The following IGF2BP3 variants were observed in gnomAD, a reference collection of about 807,000 sequenced individuals.
The protein encoded by IGF2BP3 is insulin-like growth factor 2 mRNA-binding protein 3.
A neutral mutation model predicts 73.8 loss-of-function variants in IGF2BP3; 9 were observed. The ratio of observed to expected loss-of-function variants is 0.12; its 90% CI spans 0.07 to 0.21. The LOEUF (loss-of-function observed/expected upper bound fraction) is 0.21, where lower values mean the gene tolerates loss of function less well. Ranked by LOEUF, IGF2BP3 falls within the 10% of genes least tolerant of loss-of-function variation. The pLI is 1.00. For missense variants in IGF2BP3, 542 were observed against 714.0 expected (o/e 0.76, Z 2.75); for synonymous variants, 258 against 256.7 (o/e 1.01, Z -0.05).
intron 3 of IGF2BP3, among the ~76,000 whole-genome samples, chr7:23,378,387 C>A: frequency 7.9e-6 from 1 of 126,536 alleles, no homozygotes; most frequent in Admixed American, 7.4e-5. Flanking sequence ...GGAAAATAGA[C>A]ATTTCTCTTC....
chr7:23,415,048 A>T, intron 3 of IGF2BP3: 1 of 200,036 alleles, frequency 5.0e-6, no homozygotes. Context: ...GTCAGTCAGC[A>T]TCACCCCACC....
rs1024957144 is a variant in IGF2BP3, at chr7:23,401,223, G to A, written c.285+17553C>T. On this transcript the variant is annotated intron_variant, in intron 3 of 14. Transcript: ENST00000258729. Reference sequence around the variant, plus strand: ...TATTTAAGATTCAGTCACTGTGGCCGAGTAGTAGGACCCCTTCCCAGCAGT... The same window carrying A: ...TATTTAAGATTCAGTCACTGTGGCCAAGTAGTAGGACCCCTTCCCAGCAGT... 7.2e-5 allele frequency among the ~76,000 whole-genome samples: 11 copies of A among 152,298 alleles called. No individual in the cohort carries two copies. The East Asian group carries it at 1.4e-3, about 19-fold the overall frequency.
At chr7:23,374,286 C>A (rs188507512) in intron 3 of IGF2BP3, among the ~76,000 whole-genome samples, 2 of 152,214 alleles carry the variant, frequency 1.3e-5, no homozygotes, top group Admixed American at 1.3e-4. Context: ...AACAGTCATC[C>A]CTCGGTATCT....
intron 3 of IGF2BP3, among the ~76,000 whole-genome samples, chr7:23,396,681 G>C (rs1166387102): frequency 6.6e-6 from 1 of 151,962 alleles, no homozygotes; most frequent in African/African-American, 2.4e-5. Context: ...AAAGGATCCA[G>C]AACAAAATAA....
chr7:23,381,664 G>T (rs1785913033), intron 3 of IGF2BP3, among the ~76,000 whole-genome samples: 1 of 151,982 alleles, frequency 6.6e-6, no homozygotes, highest in Non-Finnish European at 1.5e-5. Context: ...CACCTCCCAG[G>T]TTCAAGCAAT....
chr7:23,446,196 A>G (rs970062915), intron 2 of IGF2BP3, among the ~76,000 whole-genome samples: 2 of 152,238 alleles, frequency 1.3e-5, no homozygotes, highest in Non-Finnish European at 2.9e-5. Flanking sequence ...AATCTATGCA[A>G]TAAGATTCCA....
chr7:23,316,726 T>C, intron 12 of IGF2BP3, among the ~76,000 whole-genome samples: 1 of 138,678 alleles, frequency 7.2e-6, no homozygotes, highest in African/African-American at 2.7e-5. Context: ...TAAGGTTAAA[T>C]AGTTGTCTTC....
chr7:23,440,281 A>T (rs944489652), intron 2 of IGF2BP3, among the ~76,000 whole-genome samples: 2 of 150,816 alleles, frequency 1.3e-5, no homozygotes, highest in Non-Finnish European at 3.0e-5. Flanking sequence ...AAAAAAAAAA[A>T]AAAAATTAGC....
chr7:23,463,871 C>T (rs1225648595), intron 2 of IGF2BP3, among the ~76,000 whole-genome samples: 1 of 152,208 alleles, frequency 6.6e-6, no homozygotes. Context: ...GCTACAACCA[C>T]TTAGGCAATC....
chr7:23,406,893 T>C (rs1237616588), intron 3 of IGF2BP3, among the ~76,000 whole-genome samples: 2 of 152,100 alleles, frequency 1.3e-5, no homozygotes, highest in African/African-American at 2.4e-5. Flanking sequence ...ATCCTTTAGC[T>C]AGACAGAAAA....
chr7:23,388,105 T>C (rs1022915013), intron 3 of IGF2BP3, among the ~76,000 whole-genome samples: 2 of 152,174 alleles, frequency 1.3e-5, no homozygotes, highest in African/African-American at 4.8e-5. Flanking sequence ...CACGCCCGGC[T>C]AATTTTTTGT....
chr7:23,463,412 C>G (rs1788494869), intron 2 of IGF2BP3, among the ~76,000 whole-genome samples: 1 of 152,142 alleles, frequency 6.6e-6, no homozygotes, highest in Non-Finnish European at 1.5e-5. Context: ...GGTACACAGG[C>G]AAAAACAACA....
rs554358004 is a variant in IGF2BP3 at position 23,452,055 on chromosome 7, A to C, written c.236+16427T>G. Among the ~76,000 whole-genome samples, 60 of 149,182 alleles carry C rather than the reference A, an allele frequency of 4.0e-4. No individual in the cohort carries two copies. In the South Asian group the frequency reaches 0.012, roughly 30 times the overall value. ...AGTCTCCCGCTGTCACCAAGGCTGGAGCACAGTGGCGTGATATCAGCTCAC... is the reference window on the plus strand; with the variant it reads ...AGTCTCCCGCTGTCACCAAGGCTGGCGCACAGTGGCGTGATATCAGCTCAC... On this transcript the variant is annotated intron_variant, in intron 2 of 14. Coordinates refer to ENST00000258729, the MANE Select transcript of IGF2BP3 (RefSeq NM_006547.3).
At chr7:23,449,489 C>A (rs536865516) in intron 2 of IGF2BP3, among the ~76,000 whole-genome samples, 1 of 151,694 alleles carries the variant, frequency 6.6e-6, no homozygotes, top group East Asian at 1.9e-4. Context: ...TGCACTCCAG[C>A]CTGGGACACA....
At chr7:23,316,866 AC>A (rs1784006294) in intron 12 of IGF2BP3, among the ~76,000 whole-genome samples, 2 of 151,992 alleles carry the variant, frequency 1.3e-5, no homozygotes, top group Non-Finnish European at 2.9e-5. Context: ...TCTGTTGAAT[AC>A]CCCCAGCACG....
intron 2 of IGF2BP3, among the ~76,000 whole-genome samples, chr7:23,451,066 TCCAG>T (rs1788185056): frequency 6.6e-6 from 1 of 152,140 alleles, no homozygotes; most frequent in Non-Finnish European, 1.5e-5. Flanking sequence ...GTTACCAGTT[TCCAG>T]TTGCCTCTTA....
At chr7:23,393,350 A>G (rs575533877) in intron 3 of IGF2BP3, among the ~76,000 whole-genome samples, 65 of 152,222 alleles carry the variant, frequency 4.3e-4, no homozygotes, top group Admixed American at 6.5e-5. Context: ...AGCTAGTTCA[A>G]TCGTAACCGA....
chr7:23,434,012 A>T (rs1562751607), intron 2 of IGF2BP3, among the ~76,000 whole-genome samples: 1 of 151,292 alleles, frequency 6.6e-6, no homozygotes, highest in Non-Finnish European at 1.5e-5. Flanking sequence ...TGGAAGGCAG[A>T]GGTTACAGTG....
rs978431753 is a variant in IGF2BP3 at position 23,469,647 on chromosome 7, G to A, written c.175+289C>T. On this transcript the variant is annotated intron_variant, in intron 1 of 14. Coordinates refer to ENST00000258729, the MANE Select transcript of IGF2BP3 (RefSeq NM_006547.3). This position sits in a 1 kb window ranked among gnomAD's most constrained non-coding sequence, Gnocchi z 6.1. ...GCCTGGGCCCGGGCGGGGCGCCGGG[G>A]GAGCGCGCCTCCCCCAGCCCCGCGC... is the stretch of plus-strand genomic sequence containing the variant. The A allele has an allele frequency of 2.7e-4, 47 of 174,800 alleles. No individual in the cohort carries two copies. The highest frequency in any genetic ancestry group is 2.5e-4 in the Admixed American group (4 of 15,842). 10.8% of individuals were successfully genotyped at this position (174,800 alleles called of 1,614,324 possible).
Sources: allele counts gnomAD v4.1 joint callset (sites outside exome capture counted in the v4.1 genomes callset), GRCh38; gene constraint gnomAD v4.1.1; non-coding constraint Gnocchi (gnomAD v3.1); transcripts MANE v1.5; gene names NCBI Gene and HGNC (gene_info 2026-07-23, HGNC 2026-07-21).